Variants in EXOSC7 observed in about 807,000 individuals in gnomAD.
EXOSC7 encodes exosome component 7, also known as exosome complex component RRP42.
Under a neutral mutation model 34.3 loss-of-function variants are expected in EXOSC7, and 25 were observed. The observed-to-expected ratio is 0.73, with a 90% CI of 0.53 to 1.02. EXOSC7 has a LOEUF of 1.02. Among genes scored for constraint, EXOSC7 ranks in the 50% least tolerant of loss-of-function variants. The pLI is 0.00. For synonymous variants in EXOSC7, 130 were observed against 143.0 expected (o/e 0.91, Z 0.65); for missense variants, 370 against 368.5 (o/e 1.00, Z -0.03).
intron 1 of EXOSC7, among the ~76,000 whole-genome samples, chr3:44,976,614 CG>C (rs1217768623): frequency 6.6e-6 from 1 of 152,198 alleles, no homozygotes; most frequent in East Asian, 1.9e-4. Context: ...GAGAGAGCAT[CG>C]GCCCCAGGGC....
intron 3 of EXOSC7, among the ~76,000 whole-genome samples, chr3:44,991,354 A>G (rs1706567841): frequency 6.6e-6 from 1 of 152,160 alleles, no homozygotes; most frequent in Admixed American, 6.6e-5. Context: ...ACCTTGTTCA[A>G]GCCCCCAACT....
intron 5 of EXOSC7, chr3:45,002,061 G>A (rs1301659988): frequency 1.3e-5 from 2 of 153,816 alleles, no homozygotes; most frequent in Admixed American, 6.5e-5. Context: ...TGTTCTAAAA[G>A]CAGGGTAACA....
intron 7 of EXOSC7, among the ~76,000 whole-genome samples, chr3:45,007,900 G>A (rs1707099606): frequency 6.6e-6 from 1 of 152,190 alleles, no homozygotes; most frequent in Non-Finnish European, 1.5e-5. Flanking sequence ...AAAAGTGCAG[G>A]CCTTTGTGAC....
At chr3:45,005,551 A>G (rs1010485697) in intron 6 of EXOSC7, 137 bp downstream of exon 6, 2 of 780,122 alleles carry the variant, frequency 2.6e-6, no homozygotes, top group East Asian at 2.6e-5. Flanking sequence ...CCCAAATCCA[A>G]TAATTTGGTT....
intron 3 of EXOSC7, among the ~76,000 whole-genome samples, chr3:44,993,089 G>A (rs1266923991): frequency 6.6e-6 from 1 of 152,160 alleles, no homozygotes; most frequent in Non-Finnish European, 1.5e-5. Flanking sequence ...TGGCTGAGGG[G>A]CTGGGGGTGG....
chr3:45,010,712 A>C (rs914493678), intron 7 of EXOSC7, among the ~76,000 whole-genome samples: 1 of 152,208 alleles, frequency 6.6e-6, no homozygotes, highest in Non-Finnish European at 1.5e-5. Context: ...TAAACACCAA[A>C]GATCCCATCC....
chr3:44,991,121 C>T (rs1706559790), intron 3 of EXOSC7, among the ~76,000 whole-genome samples: 1 of 152,216 alleles, frequency 6.6e-6, no homozygotes, highest in Non-Finnish European at 1.5e-5. Flanking sequence ...AATCTTTGCT[C>T]ATTTTACTTC....
intron 3 of EXOSC7, among the ~76,000 whole-genome samples, chr3:44,994,961 A>T (rs1037680645): frequency 6.6e-6 from 1 of 151,740 alleles, no homozygotes; most frequent in Non-Finnish European, 1.5e-5. Flanking sequence ...TGTCAAAAAA[A>T]AACCAGTGGG....
intron 1 of EXOSC7, among the ~76,000 whole-genome samples, chr3:44,979,651 G>C (rs1056566425): frequency 1.3e-5 from 2 of 151,756 alleles, no homozygotes; most frequent in South Asian, 4.2e-4. Context: ...CTATTTCTTG[G>C]GCCAGTGGTA....
chr3:44,993,091 T>A (rs992165111), intron 3 of EXOSC7, among the ~76,000 whole-genome samples: 3 of 152,076 alleles, frequency 2.0e-5, no homozygotes, highest in African/African-American at 7.2e-5. Flanking sequence ...GCTGAGGGGC[T>A]GGGGGTGGGT....
chr3:44,994,356 G>T (rs1706658329), intron 3 of EXOSC7, among the ~76,000 whole-genome samples: 1 of 149,284 alleles, frequency 6.7e-6, no homozygotes. Flanking sequence ...GGAGATTTTT[G>T]TTTCATGTAG....
chr3:44,991,179 A>C (rs1297517070), intron 3 of EXOSC7, among the ~76,000 whole-genome samples: 1 of 152,214 alleles, frequency 6.6e-6, no homozygotes, highest in Admixed American at 6.5e-5. Context: ...TGGGGAGTCC[A>C]AGAACTATCC....
At chr3:45,001,699 A>C in intron 5 of EXOSC7, 91 bp downstream of exon 5, 47 of 884,554 alleles carry the variant, frequency 5.3e-5, no homozygotes, top group Non-Finnish European at 8.2e-5. Context: ...ATTGTAGCTC[A>C]TATGTGAAGA....
intron 1 of EXOSC7, among the ~76,000 whole-genome samples, chr3:44,987,488 C>A (rs1403064674): frequency 6.6e-6 from 1 of 152,250 alleles, no homozygotes; most frequent in African/African-American, 2.4e-5. Context: ...GGGAGAAGCG[C>A]TTGAACGCAG....
chr3:44,976,608 G>C (rs1488146301), intron 1 of EXOSC7, among the ~76,000 whole-genome samples: 1 of 152,204 alleles, frequency 6.6e-6, no homozygotes, highest in East Asian at 1.9e-4. Flanking sequence ...CTTAGTGAGA[G>C]AGCATCGGCC....
At chr3:44,979,991 A>G (rs1575998830) in intron 1 of EXOSC7, among the ~76,000 whole-genome samples, 1 of 152,116 alleles carries the variant, frequency 6.6e-6, no homozygotes, top group East Asian at 1.9e-4. Context: ...GAGCCCCAAG[A>G]CAACTACTGG....
intron 1 of EXOSC7, among the ~76,000 whole-genome samples, chr3:44,978,039 A>C (rs1706162167): frequency 6.6e-6 from 1 of 152,368 alleles, no homozygotes; most frequent in Non-Finnish European, 1.5e-5. Context: ...GGATGCCAAA[A>C]CATGGTTGTG....
rs768699326 is a variant in EXOSC7, at chr3:45,005,276, TGC to T, written c.492-14_492-13del. The T allele has an allele frequency of 7.4e-6, 12 of 1,613,680 alleles. No homozygotes were observed. The highest frequency in any genetic ancestry group is 1.0e-5 in the Non-Finnish European group (12 of 1,179,802). ...CTCCTCCAAGTGGGAATTTTACTAG[TGC>T]TTCTGCTTCCAGGATACCAAGGGTT... On this transcript the variant is annotated splice_polypyrimidine_tract_variant and intron_variant, in intron 5 of 7. Coordinates refer to ENST00000265564, the MANE Select transcript of EXOSC7 (RefSeq NM_015004.4).
At chr3:44,992,718 C>G (rs975946704) in intron 3 of EXOSC7, among the ~76,000 whole-genome samples, 17 of 152,238 alleles carry the variant, frequency 1.1e-4, no homozygotes, top group African/African-American at 3.4e-4. Context: ...CTATCTAAAG[C>G]CCAAAGGAAG....
Sources: gnomAD v4.1 joint callset for allele counts (sites outside exome capture counted in the v4.1 genomes callset) on GRCh38, gnomAD v4.1.1 for gene constraint, MANE v1.5 for transcripts, NCBI Gene and HGNC (gene_info 2026-07-23, HGNC 2026-07-21) for gene names.